The following ST6GALNAC3 variants were observed in gnomAD, a reference collection of about 807,000 sequenced individuals.
ST6GALNAC3 encodes the protein alpha-N-acetylgalactosaminide alpha-2,6-sialyltransferase 3.
A neutral mutation model predicts 32.7 loss-of-function variants in ST6GALNAC3; 25 were observed. The observed-to-expected ratio is 0.76, with a 90% CI of 0.56 to 1.07. The LOEUF (loss-of-function observed/expected upper bound fraction) is 1.07, where lower values mean the gene tolerates loss of function less well. Among genes scored for constraint, ST6GALNAC3 ranks in the 50% least tolerant of loss-of-function variants. ST6GALNAC3 has a pLI of 0.00. For synonymous variants in ST6GALNAC3, 129 were observed against 133.1 expected, an observed-to-expected ratio of 0.97 and a Z score of 0.21; for missense variants, 355 against 382.4, an observed-to-expected ratio of 0.93 and a Z score of 0.60.
chr1:76,320,378 G>A (rs530735665), intron 2 of ST6GALNAC3, among the ~76,000 whole-genome samples: 26 of 152,174 alleles, frequency 1.7e-4, no homozygotes, highest in Middle Eastern at 3.4e-3. Flanking sequence ...AGTCCTAATC[G>A]TGTGGCTCTT....
chr1:76,243,116 CTT>C lies in ST6GALNAC3; in HGVS notation c.19-70688_19-70687del, dbSNP rs369380116. 3.8e-3 allele frequency among the ~76,000 whole-genome samples: 574 copies of C among 152,128 alleles called. 2 individuals are homozygous for C. Among genetic ancestry groups the C allele is most frequent in the African/African-American group, 0.013 (544 of 41,540 alleles). ...TTTCTCCACATCCTCTCCAGAATCT[CTT>C]GTTTCCTGACTTTTTAGTGATCGCC... On this transcript the variant is annotated intron_variant, in intron 1 of 4. Coordinates refer to ENST00000328299, the MANE Select transcript of ST6GALNAC3 (RefSeq NM_152996.4).
chr1:76,159,315 A>G (rs1226080600), intron 1 of ST6GALNAC3, among the ~76,000 whole-genome samples: 3 of 152,122 alleles, frequency 2.0e-5, no homozygotes, highest in Non-Finnish European at 4.4e-5. Flanking sequence ...CAGCCTCCCA[A>G]GTGGCTGGAA....
chr1:76,629,920 G>A lies in ST6GALNAC3; in HGVS notation c.*1114G>A. On this transcript the variant is annotated 3_prime_UTR_variant, in exon 5 of 5. Coordinates refer to ENST00000328299, the MANE Select transcript of ST6GALNAC3 (RefSeq NM_152996.4). ...TGATTCCTTATATTAAACCTGACCA[G>A]AGCTTTTTGCCTTCTAGGGATTTAT... 1 of 985,108 alleles carries A rather than the reference G, an allele frequency of 1.0e-6. No individual in the cohort carries two copies. The highest frequency in any genetic ancestry group is 1.2e-6 in the Non-Finnish European group (1 of 829,796). The allele number at this position is 985,108 out of a possible 1,614,324, so 61.0% of individuals were successfully genotyped here. A position where few individuals can be genotyped will look rare whatever the true frequency, so the allele number is the denominator to read the frequency against.
In ST6GALNAC3 at chr1:76,632,069, T is replaced by C. The variant is rs1032863754; in HGVS notation, c.*3263T>C. 9 of 152,104 alleles carry C rather than the reference T, an allele frequency of 5.9e-5. No individual in the cohort carries two copies. The highest frequency in any genetic ancestry group is 1.2e-4 in the Non-Finnish European group (8 of 68,008). 9.4% of individuals were successfully genotyped at this position (152,104 alleles called of 1,614,324 possible). A position where few individuals can be genotyped will look rare whatever the true frequency, so the allele number is the denominator to read the frequency against. On this transcript the variant is annotated 3_prime_UTR_variant, in exon 5 of 5. Coordinates refer to ENST00000328299, the MANE Select transcript of ST6GALNAC3 (RefSeq NM_152996.4). ...CTATTTGTGTGTGTGTGAACGCACA[T>C]ATATATACATCTATATACTTATAAC... is the stretch of plus-strand genomic sequence containing the variant.
chr1:76,328,766 T>C (rs1647129439), intron 2 of ST6GALNAC3, among the ~76,000 whole-genome samples: 2 of 152,170 alleles, frequency 1.3e-5, no homozygotes, highest in Admixed American at 1.3e-4. Flanking sequence ...TTGTCAGAAA[T>C]ATACTGAGGA....
intron 1 of ST6GALNAC3, among the ~76,000 whole-genome samples, chr1:76,277,028 A>G (rs1659170725): frequency 1.3e-5 from 2 of 152,174 alleles, no homozygotes; most frequent in Admixed American, 1.3e-4. Context: ...ATGGATTTGT[A>G]GAAGTTCTTG....
intron 3 of ST6GALNAC3, among the ~76,000 whole-genome samples, chr1:76,554,831 G>T (rs1664828359): frequency 6.6e-6 from 1 of 152,076 alleles, no homozygotes; most frequent in African/African-American, 2.4e-5. Flanking sequence ...ATGACAAAAA[G>T]TAACTAATAT....
intron 1 of ST6GALNAC3, among the ~76,000 whole-genome samples, chr1:76,175,201 A>T (rs1469750785): frequency 6.6e-6 from 1 of 152,096 alleles, no homozygotes; most frequent in Non-Finnish European, 1.5e-5. Context: ...TAAAAAAAAA[A>T]TGTTAAAGAC....
In ST6GALNAC3 at chr1:76,329,297, A is replaced by G. The variant is rs1647141591; in HGVS notation, c.213+15298A>G. ...TTTTGCAGGCTACATAGTCATGCCC[A>G]TGAGCCTCCTCTTTTCAATGCATCC... On this transcript the variant is annotated intron_variant, in intron 2 of 4. Transcript: ENST00000328299. Among the ~76,000 whole-genome samples the G allele has an allele frequency of 1.3e-5, 2 of 152,160 alleles. 1 individual carries two copies. The highest frequency in any genetic ancestry group is 4.1e-4 in the South Asian group (2 of 4,820).
chr1:76,159,036 A>G (rs1481132591), intron 1 of ST6GALNAC3, among the ~76,000 whole-genome samples: 1 of 152,092 alleles, frequency 6.6e-6, no homozygotes, highest in East Asian at 1.9e-4. Context: ...GGTGTGATGG[A>G]GAGGGAGGCA....
At chr1:76,219,294 CTT>C (rs1458616296) in intron 1 of ST6GALNAC3, among the ~76,000 whole-genome samples, 4 of 152,322 alleles carry the variant, frequency 2.6e-5, no homozygotes, top group African/African-American at 9.6e-5. Context: ...TTTCTTCTCT[CTT>C]AGCTATTTCC....
chr1:76,539,038 A>C (rs1442221102), intron 3 of ST6GALNAC3, among the ~76,000 whole-genome samples: 3 of 152,186 alleles, frequency 2.0e-5, no homozygotes, highest in African/African-American at 7.2e-5. Context: ...TGTGGAATCA[A>C]AGAAGACCCT....
intron 2 of ST6GALNAC3, among the ~76,000 whole-genome samples, chr1:76,411,177 A>G (rs1316402540): frequency 1.3e-5 from 2 of 152,182 alleles, no homozygotes; most frequent in Non-Finnish European, 2.9e-5. Flanking sequence ...AGCAAGGAAT[A>G]ACGGAAAGGG....
chr1:76,416,075 A>G (rs1440605914), intron 3 of ST6GALNAC3, among the ~76,000 whole-genome samples: 2 of 139,606 alleles, frequency 1.4e-5, no homozygotes, highest in Non-Finnish European at 3.2e-5. Flanking sequence ...ACACACACAC[A>G]TAATCTTAGA....
chr1:76,137,614 T>C (rs907637765), intron 1 of ST6GALNAC3, among the ~76,000 whole-genome samples: 1 of 152,226 alleles, frequency 6.6e-6, no homozygotes, highest in Non-Finnish European at 1.5e-5. Context: ...AATCCTTGTC[T>C]TTATGTGTAT....
chr1:76,402,536 C>T (rs1048792868), intron 2 of ST6GALNAC3, among the ~76,000 whole-genome samples: 1 of 152,114 alleles, frequency 6.6e-6, no homozygotes, highest in African/African-American at 2.4e-5. Context: ...TCATTCTTGC[C>T]TCTGTGTTCC....
In ST6GALNAC3 at chr1:76,425,151, C is replaced by T. The variant is rs373812695; in HGVS notation, c.623+12734C>T. Reference sequence around the variant, plus strand: ...GGAGAAGTTAATTTTGTTGTCAGCACATCCACATTTCAAAAATCACAAACT... The same window carrying T: ...GGAGAAGTTAATTTTGTTGTCAGCATATCCACATTTCAAAAATCACAAACT... On this transcript the variant is annotated intron_variant, in intron 3 of 4. Transcript: ENST00000328299. Among the ~76,000 whole-genome samples the T allele has an allele frequency of 4.6e-5, 7 of 152,124 alleles. No individual in the cohort carries two copies. In the East Asian group the frequency reaches 1.4e-3, roughly 29 times the overall value.
intron 2 of ST6GALNAC3, among the ~76,000 whole-genome samples, chr1:76,315,754 T>A (rs1646853113): frequency 6.6e-6 from 1 of 152,100 alleles, no homozygotes; most frequent in Non-Finnish European, 1.5e-5. Context: ...TTTCCTTATT[T>A]GCAAAATAAG....
chr1:76,120,461 C>T (rs1570053529), intron 1 of ST6GALNAC3, among the ~76,000 whole-genome samples: 2 of 152,280 alleles, frequency 1.3e-5, no homozygotes, highest in East Asian at 3.9e-4. Flanking sequence ...ATCAGAATAG[C>T]AAATGCCTTA....
Sources: gnomAD v4.1 joint callset for allele counts (sites outside exome capture counted in the v4.1 genomes callset) on GRCh38, gnomAD v4.1.1 for gene constraint, MANE v1.5 for transcripts, NCBI Gene and HGNC (gene_info 2026-07-23, HGNC 2026-07-21) for gene names.